Variants in ABLIM2 observed in about 807,000 individuals in gnomAD.
ABLIM2 encodes the protein actin-binding LIM protein 2.
A neutral mutation model predicts 97.7 loss-of-function variants in ABLIM2; 53 were observed. The observed-to-expected ratio is 0.54, with a 90% CI of 0.44 to 0.68. The LOEUF (loss-of-function observed/expected upper bound fraction) is 0.68. Among genes scored for constraint, ABLIM2 ranks in the 30% least tolerant of loss-of-function variants. The pLI, the probability that ABLIM2 is intolerant of heterozygous loss-of-function variation, is 0.00. For missense variants in ABLIM2, 835 were observed against 867.2 expected (o/e 0.96, Z 0.47); for synonymous variants, 361 against 345.8 (o/e 1.04, Z -0.49).
In ABLIM2 at chr4:8,032,543, G is replaced by A; in HGVS notation, c.1048-2767C>T. 1.4e-6 allele frequency: 2 copies of A among 1,458,762 alleles called. No homozygotes were observed. The highest frequency in any genetic ancestry group is 1.9e-6 in the Non-Finnish European group (2 of 1,052,242). 90.4% of individuals were successfully genotyped at this position (1,458,762 alleles called of 1,614,324 possible). ...CCGTGGCCCCGGGCCCCATGGTGAA[G>A]AGCCACCGAGGAGGCCCTTCCCGGG... On this transcript the variant is annotated intron_variant, in intron 10 of 20. Transcript: ENST00000447017. The surrounding 1 kb of genome is among the most constrained non-coding windows in gnomAD (Gnocchi z 4.3).
At chr4:8,051,116 T>C (rs1017446599) in intron 8 of ABLIM2, among the ~76,000 whole-genome samples, 2 of 152,222 alleles carry the variant, frequency 1.3e-5, no homozygotes, top group Admixed American at 6.5e-5. Context: ...GCAGGTCTCA[T>C]GGCCGCTCCA....
In ABLIM2 at chr4:8,042,237, C is replaced by T. The variant is rs552856709; in HGVS notation, c.900+2927G>A. On this transcript the variant is annotated intron_variant, in intron 9 of 20. Transcript: ENST00000447017. The stretch of plus-strand genomic sequence containing the variant: ...AGCCATACCAACCAGAGTTCCTCTT[C>T]CCCAAGGCGGGTCATAGAAACTAGA... Among the ~76,000 whole-genome samples, 5 of 152,282 alleles carry T rather than the reference C, an allele frequency of 3.3e-5. No individual in the cohort carries two copies. In the East Asian group the frequency reaches 9.7e-4, roughly 29 times the overall value.
intron 5 of ABLIM2, among the ~76,000 whole-genome samples, chr4:8,079,748 A>C (rs554135409): frequency 2.0e-5 from 3 of 150,816 alleles, no homozygotes; most frequent in African/African-American, 7.4e-5. Context: ...ATGTGCATGC[A>C]TATGCGTGCG....
At chr4:8,090,162 C>A (rs1055538617) in intron 3 of ABLIM2, among the ~76,000 whole-genome samples, 2 of 152,206 alleles carry the variant, frequency 1.3e-5, no homozygotes, top group Non-Finnish European at 2.9e-5. Context: ...CTCTCCCATG[C>A]CCGTGTTGCC....
Position 8,032,701 on chromosome 4 carries a change from G to A in ABLIM2, c.1048-2925C>T. On this transcript the variant is annotated intron_variant, in intron 10 of 20. Coordinates refer to ENST00000447017, the MANE Select transcript of ABLIM2 (RefSeq NM_001130083.2). This position sits in a 1 kb window ranked among gnomAD's most constrained non-coding sequence, Gnocchi z 4.3. ...GGGGACTGTGGACACAACACACAAA[G>A]TGGCCATTAGTGCTGGCGCCAGGCA... is the stretch of plus-strand genomic sequence containing the variant. 6.2e-7 allele frequency: 1 copy of A among 1,612,340 alleles called. No individual in the cohort carries two copies. The highest frequency in any genetic ancestry group is 8.5e-7 in the Non-Finnish European group (1 of 1,179,776).
chr4:8,074,751 G>A lies in ABLIM2; in HGVS notation c.675+2877C>T, dbSNP rs138208936. On this transcript the variant is annotated intron_variant, in intron 6 of 20. Transcript: ENST00000447017. ...AAACTGGAAGGCGGCATTGTGTCCA[G>A]CCATAAATGATCAGCCTGGTAATTC... Among the ~76,000 whole-genome samples, 1,014 of 149,918 alleles carry A rather than the reference G, an allele frequency of 6.8e-3. 16 individuals are homozygous for A. Among genetic ancestry groups the A allele is most frequent in the African/African-American group, 0.023 (952 of 40,860 alleles).
chr4:7,968,885 A>AAT (rs1725263836), intron 20 of ABLIM2, among the ~76,000 whole-genome samples: 2 of 152,328 alleles, frequency 1.3e-5, no homozygotes, highest in Admixed American at 1.3e-4. Flanking sequence ...TCACGCCTGT[A>AAT]ATCCCAGCAC....
intron 9 of ABLIM2, 84 bp downstream of exon 9, chr4:8,045,079 TA>T (rs1214450451): frequency 9.1e-6 from 11 of 1,214,296 alleles, no homozygotes; most frequent in African/African-American, 1.5e-5. Context: ...AAAACTCTCT[TA>T]GGGGTGGGCT....
chr4:8,044,898 A>G lies in ABLIM2; in HGVS notation c.900+266T>C, dbSNP rs1791297543. On this transcript the variant is annotated intron_variant, in intron 9 of 20. Transcript: ENST00000447017. The surrounding 1 kb of genome is among the most constrained non-coding windows in gnomAD (Gnocchi z 4.4). The stretch of plus-strand genomic sequence containing the variant: ...ACCACTATAAACAACAGCTGTGTAC[A>G]CACCACTGTGTGGCTCTTGTCACCA... 6.6e-6 allele frequency among the ~76,000 whole-genome samples: 1 copy of G among 152,232 alleles called. No individual in the cohort carries two copies. The highest frequency in any genetic ancestry group is 1.5e-5 in the Non-Finnish European group (1 of 68,044).
At chr4:8,073,213 G>A (rs540377598) in intron 6 of ABLIM2, among the ~76,000 whole-genome samples, 68 of 151,754 alleles carry the variant, frequency 4.5e-4, no homozygotes, top group African/African-American at 1.6e-3. Context: ...AGGCGTGGTA[G>A]GGGTGGGGGT....
At chr4:8,040,379 G>C (rs1282454488) in intron 9 of ABLIM2, among the ~76,000 whole-genome samples, 1 of 152,170 alleles carries the variant, frequency 6.6e-6, no homozygotes, top group African/African-American at 2.4e-5. Flanking sequence ...GGGAGGCCAA[G>C]GTAGGTGGGT....
intron 20 of ABLIM2, among the ~76,000 whole-genome samples, chr4:7,977,139 T>C (rs1399791975): frequency 6.6e-6 from 1 of 152,126 alleles, no homozygotes; most frequent in Non-Finnish European, 1.5e-5. Context: ...TCTCACGAGA[T>C]CTGATGGTAT....
chr4:8,036,628 C>T (rs1397333508), intron 9 of ABLIM2, among the ~76,000 whole-genome samples: 1 of 152,186 alleles, frequency 6.6e-6, no homozygotes, highest in African/African-American at 2.4e-5. Flanking sequence ...GAGGCCCAGC[C>T]ACAAAAGAGC....
chr4:8,153,501 T>C (rs553059555), intron 1 of ABLIM2, among the ~76,000 whole-genome samples: 25 of 152,138 alleles, frequency 1.6e-4, no homozygotes, highest in Non-Finnish European at 3.4e-4. Context: ...CCAGATACAA[T>C]CTCAGATGAA....
chr4:8,079,871 C>G (rs1044594354), intron 5 of ABLIM2, among the ~76,000 whole-genome samples: 1 of 152,158 alleles, frequency 6.6e-6, no homozygotes, highest in African/African-American at 2.4e-5. Flanking sequence ...TGAGAACAAG[C>G]ACAGCATAGA....
intron 3 of ABLIM2, among the ~76,000 whole-genome samples, chr4:8,096,442 G>A (rs1285360255): frequency 6.6e-6 from 1 of 152,132 alleles, no homozygotes; most frequent in Admixed American, 6.5e-5. Context: ...TCTGACTCAG[G>A]TCACGCTACG....
intron 20 of ABLIM2, among the ~76,000 whole-genome samples, chr4:7,980,236 A>G (rs1015701498): frequency 6.6e-6 from 1 of 152,052 alleles, no homozygotes; most frequent in African/African-American, 2.4e-5. Context: ...GTCTCATTCT[A>G]CCCTCCTCCC....
intron 20 of ABLIM2, among the ~76,000 whole-genome samples, chr4:7,969,451 T>A (rs1725757790): frequency 6.6e-6 from 1 of 152,074 alleles, no homozygotes; most frequent in African/African-American, 2.4e-5. Context: ...TGAGACCCTG[T>A]CTCAAACAAA....
rs370745898 is a variant in ABLIM2 at position 8,111,735 on chromosome 4, G to A, written c.11-5098C>T. Among the ~76,000 whole-genome samples the A allele has an allele frequency of 3.8e-4, 58 of 152,262 alleles. No homozygotes were observed. In the South Asian group the frequency reaches 4.8e-3, roughly 13 times the overall value. The stretch of plus-strand genomic sequence containing the variant: ...GAGGTCAGGAGTTTGAGATCAGCAT[G>A]GCCAACATGGCAAAACCCTGTTTCT... On this transcript the variant is annotated intron_variant, in intron 1 of 20. Transcript: ENST00000447017.
Sources: allele counts gnomAD v4.1 joint callset (sites outside exome capture counted in the v4.1 genomes callset), GRCh38; gene constraint gnomAD v4.1.1; non-coding constraint Gnocchi (gnomAD v3.1); transcripts MANE v1.5; gene names NCBI Gene and HGNC (gene_info 2026-07-23, HGNC 2026-07-21).